ITGA2B: variants seen among roughly 807,000 people sequenced by gnomAD.
The protein encoded by ITGA2B is integrin alpha-IIb.
ITGA2B carries 91 observed loss-of-function variants against 142.0 expected under a neutral mutation model. That is an observed-to-expected ratio of 0.64 (90% CI 0.54 to 0.76). The LOEUF (loss-of-function observed/expected upper bound fraction) is 0.76, where lower values mean the gene tolerates loss of function less well. ITGA2B is among the 30% of genes least tolerant of loss of function. The pLI, the probability that ITGA2B is intolerant of heterozygous loss-of-function variation, is 0.00. For missense variants in ITGA2B, 1,231 were observed against 1,350.8 expected, an observed-to-expected ratio of 0.91 and a Z score of 1.39; for synonymous variants, 536 against 567.2, an observed-to-expected ratio of 0.94 and a Z score of 0.78.
Position 44,378,658 on chromosome 17 carries a change from T to C in ITGA2B, c.1931A>G (p.Gln644Arg), listed in dbSNP as rs1166711435. ...GEDDVCVPQL[Q>R]LTASVTGSPL... Reference sequence around the variant, plus strand: ...GCCTCCTCACACGCTGGCAGTGAGCTGAAGCTGGGGCACACATACGTCATC... The same window carrying C: ...GCCTCCTCACACGCTGGCAGTGAGCCGAAGCTGGGGCACACATACGTCATC... Residue 644 changes from glutamine (Q) to arginine (R), a missense_variant, in exon 19 of 30, where the codon CAG (glutamine) becomes CGG (arginine). By Grantham distance (43) the Gln-to-Arg change is conservative. Around this residue, in one of 3 missense-constraint regions of ITGA2B, gnomAD observed 908 missense variants for 1,021.1 expected, o/e 0.89. Transcript: ENST00000262407. The C allele has an allele frequency of 6.4e-7, 1 of 1,563,516 alleles. No homozygotes were observed. The highest frequency in any genetic ancestry group is 8.7e-7 in the Non-Finnish European group (1 of 1,153,428).
At chr17:44,373,979 C>G in intron 29 of ITGA2B, 1 of 203,118 alleles carries the variant, frequency 4.9e-6, no homozygotes, top group Non-Finnish European at 1.0e-5. Context: ...GATCTCGGCT[C>G]ACTGCAACCT....
In ITGA2B at chr17:44,385,594, A is replaced by G. The variant is rs79713558; in HGVS notation, c.531T>C (p.Cys177=). ...AAATGCGGCTCAGGGTGTTCCCGCG[A>G]CAGGGGGAGTACTCGGCGCGGCGGC... The part of the protein sequence containing the change: ...ESGRRAEYSP[C]RGNTLSRIYV... The change falls in exon 4 of 30, where the codon TGT becomes TGC. Residue 177 remains cysteine, a synonymous_variant. Transcript: ENST00000262407. The G allele has an allele frequency of 6.2e-6, 10 of 1,610,366 alleles. No homozygotes were observed. The highest frequency in any genetic ancestry group is 7.6e-6 in the Non-Finnish European group (9 of 1,179,226).
intron 1 of ITGA2B, 33 bp from the exon 2 acceptor site, chr17:44,386,164 A>T: frequency 1.9e-6 from 3 of 1,560,268 alleles, no homozygotes; most frequent in Non-Finnish European, 2.6e-6. Context: ...CGCCGCGCAG[A>T]TTCCAGCGTA....
intron 16 of ITGA2B, 22 bp downstream of exon 16, chr17:44,380,224 C>T (rs199711193): frequency 5.9e-5 from 95 of 1,614,086 alleles, no homozygotes; most frequent in Non-Finnish European, 7.7e-5. Context: ...CACCTCCCTC[C>T]TGCCCCCTTC....
rs114340186 is a variant in ITGA2B at position 44,373,125 on chromosome 17, G to A, written c.3061-702C>T. On this transcript the variant is annotated intron_variant, in intron 29 of 29. Coordinates refer to ENST00000262407, the MANE Select transcript of ITGA2B (RefSeq NM_000419.5). ...CTCCTGGCCTCAAGTGATCCACCGC[G>A]CCTGGTCCCCACCTGGAATTTTTCT... is the stretch of plus-strand genomic sequence containing the variant. 4.0e-3 allele frequency among the ~76,000 whole-genome samples: 603 copies of A among 151,446 alleles called. 6 individuals carry two copies. The highest frequency in any genetic ancestry group is 0.013 in the African/African-American group (549 of 40,948).
Position 44,380,993 on chromosome 17 carries a change from T to C in ITGA2B, c.1279A>G (p.Ser427Gly). 6.2e-7 allele frequency: 1 copy of C among 1,613,588 alleles called. No homozygotes were observed. Among genetic ancestry groups the C allele is most frequent in the Non-Finnish European group, 8.5e-7 (1 of 1,179,658 alleles). The change falls in exon 13 of 30, where the codon AGT becomes GGT. Residue 427 changes from serine to glycine, a missense_variant. Physicochemically the swap from Ser to Gly is moderately conservative, Grantham distance 56 (BLOSUM62 0). Around this residue, in one of 3 missense-constraint regions of ITGA2B, gnomAD observed 908 missense variants for 1,021.1 expected, o/e 0.89. Coordinates refer to ENST00000262407, the MANE Select transcript of ITGA2B (RefSeq NM_000419.5). Reference protein sequence around the residue: ...RGQVLVFLGQSEGLRSRPSQV... With the variant: ...RGQVLVFLGQGEGLRSRPSQV... ...GAGGGACGTGACCTCAGCCCCTCAC[T>C]CTGACCCAGGAACACCAGCACTTGG... is the stretch of plus-strand genomic sequence containing the variant.
At chr17:44,374,976 G>GCC in intron 27 of ITGA2B, 22 bp downstream of exon 27, 1 of 549,344 alleles carries the variant, frequency 1.8e-6, no homozygotes, top group Non-Finnish European at 2.8e-6. Context: ...GCCCGGCCCC[G>GCC]CCCCACCACG....
intron 15 of ITGA2B, 23 bp from the exon 16 acceptor site, chr17:44,380,324 CAG>C (rs749444145): frequency 1.2e-6 from 2 of 1,614,224 alleles, no homozygotes; most frequent in Admixed American, 3.3e-5. Flanking sequence ...AAGTGGGGCT[CAG>C]GGGTTGGAGC....
chr17:44,389,260 A>G lies in ITGA2B; in HGVS notation c.188+26T>C, dbSNP rs1314404292. 3.7e-6 allele frequency: 6 copies of G among 1,612,956 alleles called. No individual in the cohort carries two copies. In the South Asian group the frequency reaches 5.5e-5, roughly 15 times the overall value. On this transcript the variant is annotated intron_variant, in intron 1 of 29. Transcript: ENST00000262407. Reference sequence around the variant, plus strand: ...TGGGGAGGGGTCCTGCTCTCTCCCAATACCCCAACTTCCCTTACGGCTCAC... The same window carrying G: ...TGGGGAGGGGTCCTGCTCTCTCCCAGTACCCCAACTTCCCTTACGGCTCAC...
At chr17:44,386,813 GAC>G (rs2048653322) in intron 1 of ITGA2B, among the ~76,000 whole-genome samples, 1 of 152,192 alleles carries the variant, frequency 6.6e-6, no homozygotes, top group South Asian at 2.1e-4. Context: ...GTTGTTTTGA[GAC>G]AGGGTCTCAT....
chr17:44,376,338 A>G lies in ITGA2B; in HGVS notation c.2318T>C (p.Val773Ala). Residue 773 changes from valine to alanine, a missense_variant, in exon 23 of 30, where the codon GTC (valine) becomes GCC (alanine). Physicochemically the swap from Val to Ala is moderately conservative, Grantham distance 64. This residue lies in a region of ITGA2B where 908 missense variants were observed against 1,021.1 expected (regional missense o/e 0.89). Coordinates refer to ENST00000262407, the MANE Select transcript of ITGA2B (RefSeq NM_000419.5). ...CAGCTCCACTTGGGCCTCTGCCCGG[A>G]CCGGCACGTCCAGCAGCACAATCTT... ...NSKIVLLDVPVRAEAQVELRG... is the reference protein window; with the variant it reads ...NSKIVLLDVPARAEAQVELRG... 6.2e-7 allele frequency: 1 copy of G among 1,613,972 alleles called. No homozygotes were observed. Among genetic ancestry groups the G allele is most frequent in the Non-Finnish European group, 8.5e-7 (1 of 1,179,990 alleles).
chr17:44,385,881 G>A lies in ITGA2B; in HGVS notation c.351C>T (p.Thr117=), dbSNP rs766581298. ...TRNVGSQTLQ[T]FKARQGLGAS... ...CCCCCAGTCCTTGGCGGGCCTTGAA[G>A]GTTTGTAAAGTTTGGGAGCCTACAT... is the stretch of plus-strand genomic sequence containing the variant. Residue 117 remains threonine (T), a synonymous_variant, in exon 3 of 30, where the codon ACC becomes ACT. Coordinates refer to ENST00000262407, the MANE Select transcript of ITGA2B (RefSeq NM_000419.5). 3 of 1,609,312 alleles carry A rather than the reference G, an allele frequency of 1.9e-6. No individual in the cohort carries two copies. In the South Asian group the frequency reaches 3.3e-5, roughly 18 times the overall value.
At chr17:44,378,276 G>T in intron 20 of ITGA2B, 86 bp downstream of exon 20, 1 of 1,483,566 alleles carries the variant, frequency 6.7e-7, no homozygotes, top group Non-Finnish European at 9.0e-7. Context: ...CAGAAGAGAA[G>T]AGGGACTCTC....
At position 44,379,672 on chromosome 17, in the gene ITGA2B, T is replaced by C. The variant is rs749519317; in HGVS notation, c.1878+17A>G. 3.0e-5 allele frequency: 49 copies of C among 1,613,146 alleles called. No homozygotes were observed. Among genetic ancestry groups the C allele is most frequent in the Non-Finnish European group, 4.1e-5 (48 of 1,179,782 alleles). Reference sequence around the variant, plus strand: ...AGGGGTCCTGCACCTCCCTGGCCTGTCCCTGCCTGTCCCTACCTGCTCCTG... The same window carrying C: ...AGGGGTCCTGCACCTCCCTGGCCTGCCCCTGCCTGTCCCTACCTGCTCCTG... On this transcript the variant is annotated intron_variant, in intron 18 of 29. Transcript: ENST00000262407.
intron 1 of ITGA2B, among the ~76,000 whole-genome samples, chr17:44,388,109 GTC>G (rs756797104): frequency 6.6e-6 from 1 of 152,066 alleles, no homozygotes; most frequent in Non-Finnish European, 1.5e-5. Context: ...TGGGCACAGT[GTC>G]TCTCACAATA....
At position 44,376,002 on chromosome 17, in the gene ITGA2B, G is replaced by A. The variant is rs2048539888; in HGVS notation, c.2449-17C>T. The A allele has an allele frequency of 1.2e-6, 2 of 1,614,072 alleles. No homozygotes were observed. Among genetic ancestry groups the A allele is most frequent in the Non-Finnish European group, 1.7e-6 (2 of 1,180,006 alleles). On this transcript the variant is annotated splice_polypyrimidine_tract_variant and intron_variant, in intron 24 of 29. Transcript: ENST00000262407. ...GTTGTGGAGCTGAAGGGGTGGTGGT[G>A]GCAGGGTGTGGGGAGCTTAGCGCCT...
chr17:44,384,521 CT>C lies in ITGA2B; in HGVS notation c.847+16del. ...CGGGCTGGGCTACCCAACTCCCGCCCTAAGTGGATTTCTTGCCTGTAGTGTT... is the reference window on the plus strand; with the variant it reads ...CGGGCTGGGCTACCCAACTCCCGCCCAAGTGGATTTCTTGCCTGTAGTGTT... On this transcript the variant is annotated intron_variant, in intron 8 of 29. Transcript: ENST00000262407. 1 of 1,614,074 alleles carries C rather than the reference CT, an allele frequency of 6.2e-7. No individual in the cohort carries two copies. The highest frequency in any genetic ancestry group is 8.5e-7 in the Non-Finnish European group (1 of 1,180,014).
At position 44,377,734 on chromosome 17, in the gene ITGA2B, C is replaced by T. The variant is rs771806292; in HGVS notation, c.2151G>A (p.Leu717=). The T allele has an allele frequency of 1.2e-5, 20 of 1,613,980 alleles. No homozygotes were observed. Among genetic ancestry groups the T allele is most frequent in the East Asian group, 2.2e-5 (1 of 44,890 alleles). ...TCTTCATGGGGTTGCCCAGCTCACA[C>T]AGCACCACCCTGGTCTCATTCTCCT... ...QKKENETRVV[L]CELGNPMKKN... The change falls in exon 21 of 30, where the codon CTG becomes CTA. Residue 717 remains leucine (L), a synonymous_variant. Coordinates refer to ENST00000262407, the MANE Select transcript of ITGA2B (RefSeq NM_000419.5).
intron 27 of ITGA2B, 27 bp downstream of exon 27, chr17:44,374,971 G>GGCCCCCCCCCC: frequency 6.7e-7 from 1 of 1,489,364 alleles, no homozygotes; most frequent in African/African-American, 1.4e-5. Flanking sequence ...AGAAGGCCCG[G>GGCCCCCCCCCC]CCCCGCCCCA....
Sources: allele counts gnomAD v4.1 joint callset (sites outside exome capture counted in the v4.1 genomes callset), GRCh38; gene constraint gnomAD v4.1.1; regional missense constraint gnomAD v4.1.1; transcripts MANE v1.5; gene names NCBI Gene and HGNC (gene_info 2026-07-23, HGNC 2026-07-21).